Variants in CRYBG1 observed in about 807,000 individuals in gnomAD.
CRYBG1 encodes the protein beta/gamma crystallin domain-containing protein 1.
In CRYBG1, 139 loss-of-function variants were observed where a neutral mutation model predicts 189.2. The observed-to-expected ratio is 0.73, with a 90% CI of 0.64 to 0.85. CRYBG1 has a LOEUF of 0.85. Among genes scored for constraint, CRYBG1 ranks in the 40% least tolerant of loss-of-function variants. The pLI is 0.00. For synonymous variants in CRYBG1, 1,023 were observed against 1,017.1 expected (o/e 1.01, Z -0.11); for missense variants, 2,611 against 2,675.8 (o/e 0.98, Z 0.53).
chr6:106,566,719 G>C (rs529965727), intron 21 of CRYBG1, among the ~76,000 whole-genome samples: 4 of 152,114 alleles, frequency 2.6e-5, no homozygotes, highest in African/African-American at 9.6e-5. Flanking sequence ...GGACATGAGA[G>C]AGCAGCGCCG....
At chr6:106,407,454 A>G (rs1233555069) in intron 1 of CRYBG1, among the ~76,000 whole-genome samples, 1 of 152,180 alleles carries the variant, frequency 6.6e-6, no homozygotes, top group Non-Finnish European at 1.5e-5. Context: ...TTAAAACCCC[A>G]CTGTCAATAT....
At chr6:106,553,224 T>C (rs575039094) in intron 15 of CRYBG1, among the ~76,000 whole-genome samples, 135 of 152,344 alleles carry the variant, frequency 8.9e-4, no homozygotes, top group Non-Finnish European at 1.6e-3. Context: ...ACCTTTGTTG[T>C]TGCATTTTAC....
chr6:106,400,950 G>A lies in CRYBG1; in HGVS notation c.173+39869G>A, dbSNP rs143095775. On this transcript the variant is annotated intron_variant, in intron 1 of 21. Transcript: ENST00000633556. ...TGTGACCAGAGCAATGAAAGTGCAC[G>A]GGCTTTGGGGAGCCGTCTTTCTTGC... 4.8e-3 allele frequency among the ~76,000 whole-genome samples: 737 copies of A among 152,280 alleles called. 5 individuals carry two copies. Among genetic ancestry groups the A allele is most frequent in the South Asian group, 0.026 (125 of 4,820 alleles).
At chr6:106,564,087 C>A (rs140070189) in intron 21 of CRYBG1, among the ~76,000 whole-genome samples, 161 bp downstream of exon 21, 2 of 152,290 alleles carry the variant, frequency 1.3e-5, no homozygotes, top group Admixed American at 6.5e-5. Context: ...TTTCAGTACA[C>A]CATGTCCCGT....
intron 21 of CRYBG1, among the ~76,000 whole-genome samples, 184 bp downstream of exon 21, chr6:106,564,110 C>T (rs1262689620): frequency 2.6e-5 from 4 of 152,078 alleles, no homozygotes; most frequent in Admixed American, 6.6e-5. Context: ...TCTTCACAGC[C>T]GCCCTATGAG....
chr6:106,521,028 C>A lies in CRYBG1; in HGVS notation c.3820C>A (p.Gln1274Lys). The change falls in exon 4 of 22, where the codon CAG (glutamine) becomes AAG (lysine). Residue 1274 changes from glutamine (Q) to lysine (K), a missense_variant. Coordinates refer to ENST00000633556, the MANE Select transcript of CRYBG1 (RefSeq NM_001371242.2). ...NTMTTAFSTS[Q>K]NGSLSQSSVS... ...TATGACCACGGCTTTCAGTACTTCT[C>A]AGAACGGTTCCCTATCTCAGTCTTC... 6.2e-7 allele frequency: 1 copy of A among 1,614,162 alleles called. No individual in the cohort carries two copies. Among genetic ancestry groups the A allele is most frequent in the Non-Finnish European group, 8.5e-7 (1 of 1,180,020 alleles).
intron 10 of CRYBG1, 70 bp from the exon 11 acceptor site, chr6:106,543,370 A>G: frequency 1.4e-6 from 2 of 1,449,874 alleles, no homozygotes; most frequent in Non-Finnish European, 1.9e-6. Flanking sequence ...GTGATATTAA[A>G]TGACTGATTT....
chr6:106,483,453 A>G (rs1772521640), intron 2 of CRYBG1, among the ~76,000 whole-genome samples: 2 of 149,428 alleles, frequency 1.3e-5, no homozygotes, highest in Non-Finnish European at 3.0e-5. Context: ...AATTGATTCC[A>G]TATTTTGGCT....
rs150510132 is a variant in CRYBG1 at position 106,516,562 on chromosome 6, A to G, written c.1923-2569A>G. ...CTCAAGCTTCATGAAGGCCAAGTCC[A>G]TGAAGGAGAGGCAGTATGGGATTTC... On this transcript the variant is annotated intron_variant, in intron 3 of 21. Transcript: ENST00000633556. Among the ~76,000 whole-genome samples the G allele has an allele frequency of 2.6e-3, 398 of 152,348 alleles. 2 individuals carry two copies. Among genetic ancestry groups the G allele is most frequent in the Non-Finnish European group, 4.6e-3 (315 of 68,024 alleles).
At chr6:106,482,729 C>A (rs1387210260) in intron 2 of CRYBG1, among the ~76,000 whole-genome samples, 1 of 151,996 alleles carries the variant, frequency 6.6e-6, no homozygotes, top group African/African-American at 2.4e-5. Context: ...GAGCTGAAAT[C>A]GTGCCACTGC....
chr6:106,409,561 G>A (rs1770887049), intron 1 of CRYBG1, among the ~76,000 whole-genome samples: 1 of 151,042 alleles, frequency 6.6e-6, no homozygotes, highest in Non-Finnish European at 1.5e-5. Context: ...AGCCCGTGTA[G>A]CCAAGACAAT....
At chr6:106,513,163 C>A (rs1466619347) in intron 3 of CRYBG1, 124 bp downstream of exon 3, 8 of 1,231,046 alleles carry the variant, frequency 6.5e-6, no homozygotes, top group Non-Finnish European at 7.7e-6. Context: ...CCCCTCCATG[C>A]TGAACTTAAG....
intron 3 of CRYBG1, among the ~76,000 whole-genome samples, chr6:106,513,967 G>A (rs1433590042): frequency 2.0e-5 from 3 of 152,152 alleles, no homozygotes; most frequent in African/African-American, 7.2e-5. Flanking sequence ...TGTGACTCAG[G>A]ATATTGCCCT....
chr6:106,570,971 A>G lies in CRYBG1; in HGVS notation c.*2405A>G, dbSNP rs1323478676. ...GAAGTAAAAACACTTACCGTAAATG[A>G]ATATTCGAAGTGCACACTGCAATGG... On this transcript the variant is annotated 3_prime_UTR_variant, in exon 22 of 22. Transcript: ENST00000633556. The G allele has an allele frequency of 6.6e-6, 1 of 152,200 alleles. No homozygotes were observed. The highest frequency in any genetic ancestry group is 1.5e-5 in the Non-Finnish European group (1 of 68,036). 9.4% of individuals were successfully genotyped at this position (152,200 alleles called of 1,614,324 possible).
At chr6:106,375,572 C>G (rs1255017224) in intron 1 of CRYBG1, among the ~76,000 whole-genome samples, 1 of 152,112 alleles carries the variant, frequency 6.6e-6, no homozygotes, top group Non-Finnish European at 1.5e-5. Context: ...ATTCCAGGCC[C>G]AAAGGTACCA....
At chr6:106,433,224 G>A (rs978051784) in intron 1 of CRYBG1, among the ~76,000 whole-genome samples, 1 of 152,194 alleles carries the variant, frequency 6.6e-6, no homozygotes, top group Admixed American at 6.5e-5. Context: ...GCAAGTCAGG[G>A]TTGCTGTGAG....
chr6:106,459,269 A>C (rs1771953539), intron 2 of CRYBG1, among the ~76,000 whole-genome samples: 3 of 152,162 alleles, frequency 2.0e-5, no homozygotes, highest in Admixed American at 6.5e-5. Flanking sequence ...TAAACATATA[A>C]ATATACAGCA....
chr6:106,482,373 G>C (rs1472775266), intron 2 of CRYBG1, among the ~76,000 whole-genome samples: 1 of 115,808 alleles, frequency 8.6e-6, no homozygotes, highest in Non-Finnish European at 1.8e-5. Context: ...CCTTTGCAGT[G>C]GAATGTAATC....
chr6:106,460,106 C>T (rs1343731839), intron 2 of CRYBG1, among the ~76,000 whole-genome samples: 1 of 151,908 alleles, frequency 6.6e-6, no homozygotes, highest in African/African-American at 2.4e-5. Context: ...CCTGCCTCAG[C>T]CTCCCGAGTA....
Sources: gnomAD v4.1 joint callset for allele counts (sites outside exome capture counted in the v4.1 genomes callset) on GRCh38, gnomAD v4.1.1 for gene constraint, MANE v1.5 for transcripts, NCBI Gene and HGNC (gene_info 2026-07-23, HGNC 2026-07-21) for gene names.